The following GMPR variants were observed in gnomAD, a reference collection of about 807,000 sequenced individuals.
GMPR encodes the protein GMP reductase 1.
Under a neutral mutation model 38.4 loss-of-function variants are expected in GMPR, and 31 were observed. The observed-to-expected ratio is 0.81, with a 90% CI of 0.61 to 1.09. The LOEUF (loss-of-function observed/expected upper bound fraction) is 1.09, where lower values mean the gene tolerates loss of function less well. GMPR is among the 50% of genes least tolerant of loss of function. The pLI, the probability that GMPR is intolerant of heterozygous loss-of-function variation, is 0.00. For missense variants in GMPR, 468 were observed against 453.7 expected (o/e 1.03, Z -0.29); for synonymous variants, 162 against 173.3 (o/e 0.93, Z 0.51).
chr6:16,265,940 C>G (rs546250133), intron 4 of GMPR, among the ~76,000 whole-genome samples: 2 of 152,098 alleles, frequency 1.3e-5, no homozygotes, highest in African/African-American at 2.4e-5. Context: ...AGTGAGACCA[C>G]GAAGCCACCC....
intron 4 of GMPR, 117 bp downstream of exon 4, chr6:16,254,852 A>G (rs960613827): frequency 2.9e-6 from 2 of 689,050 alleles, no homozygotes; most frequent in Admixed American, 4.5e-5. Flanking sequence ...CTCTTTAGTC[A>G]AAGATTAATT....
At chr6:16,239,844 C>T (rs570349904) in intron 1 of GMPR, among the ~76,000 whole-genome samples, 1 of 152,364 alleles carries the variant, frequency 6.6e-6, no homozygotes, top group South Asian at 2.1e-4. Context: ...ACCAAGTGGC[C>T]TTCTGTAAGC....
intron 4 of GMPR, among the ~76,000 whole-genome samples, chr6:16,260,439 A>C (rs1759061690): frequency 6.6e-6 from 1 of 151,988 alleles, no homozygotes; most frequent in Non-Finnish European, 1.5e-5. Flanking sequence ...TTATCCAGTG[A>C]AAGTGTCTAC....
At chr6:16,277,646 A>G (rs578236912) in intron 5 of GMPR, among the ~76,000 whole-genome samples, 3 of 152,344 alleles carry the variant, frequency 2.0e-5, no homozygotes, top group Admixed American at 2.0e-4. Flanking sequence ...GCGAATGTCC[A>G]CGGAGCCGAC....
chr6:16,289,858 T>A (rs1448936590), intron 7 of GMPR: 2 of 88,994 alleles, frequency 2.2e-5, no homozygotes, highest in Non-Finnish European at 4.2e-5. Context: ...ATTTTTTTTT[T>A]TTTTTTTTTT....
chr6:16,284,183 A>G (rs772174345), intron 6 of GMPR, among the ~76,000 whole-genome samples: 1 of 152,226 alleles, frequency 6.6e-6, no homozygotes, highest in Non-Finnish European at 1.5e-5. Context: ...GTTTGTAAAG[A>G]AAAGGTCCAG....
chr6:16,288,140 C>T (rs1759726807), intron 7 of GMPR, among the ~76,000 whole-genome samples: 1 of 152,268 alleles, frequency 6.6e-6, no homozygotes, highest in South Asian at 2.1e-4. Context: ...TCTGCCTGGG[C>T]TCCCACTTTG....
intron 4 of GMPR, among the ~76,000 whole-genome samples, chr6:16,259,909 C>T (rs1229706431): frequency 1.3e-5 from 2 of 151,994 alleles, no homozygotes; most frequent in East Asian, 3.9e-4. Flanking sequence ...CAGTGTAAAC[C>T]GGCAGTGTAA....
intron 6 of GMPR, among the ~76,000 whole-genome samples, chr6:16,281,033 G>T (rs1213037842): frequency 6.6e-6 from 1 of 152,188 alleles, no homozygotes; most frequent in Non-Finnish European, 1.5e-5. Context: ...TGCCCCAGAG[G>T]TGAATCTGAT....
chr6:16,260,718 G>A (rs1457287380), intron 4 of GMPR, among the ~76,000 whole-genome samples: 2 of 152,002 alleles, frequency 1.3e-5, no homozygotes, highest in African/African-American at 2.4e-5. Context: ...GGTGTGTGGC[G>A]ATTAGGCCTG....
At chr6:16,267,445 C>G (rs142144837) in intron 4 of GMPR, among the ~76,000 whole-genome samples, 4 of 152,154 alleles carry the variant, frequency 2.6e-5, no homozygotes, top group Admixed American at 6.5e-5. Context: ...CACGAACCGT[C>G]CGGGAGGAAT....
intron 7 of GMPR, 144 bp downstream of exon 7, chr6:16,285,979 C>A: frequency 1.4e-6 from 1 of 708,970 alleles, no homozygotes; most frequent in Non-Finnish European, 2.5e-6. Context: ...GGGTTTCAGC[C>A]CCAATTGGCC....
At chr6:16,273,872 G>A (rs938565882) in intron 4 of GMPR, among the ~76,000 whole-genome samples, 4 of 139,952 alleles carry the variant, frequency 2.9e-5, no homozygotes. Flanking sequence ...CTGGAGTACA[G>A]TGGTGCCATC....
chr6:16,285,712 C>A, intron 6 of GMPR, 81 bp from the exon 7 acceptor site: 2 of 1,158,226 alleles, frequency 1.7e-6, no homozygotes, highest in South Asian at 2.5e-5. Flanking sequence ...AACCCCCAGT[C>A]ACTAGGTCAT....
At chr6:16,294,092 A>G (rs956219768) in intron 8 of GMPR, among the ~76,000 whole-genome samples, 1 of 152,200 alleles carries the variant, frequency 6.6e-6, no homozygotes, top group African/African-American at 2.4e-5. Flanking sequence ...AGAGAGGGAC[A>G]TGGGCTCAGT....
chr6:16,264,111 G>A (rs144377734), intron 4 of GMPR, among the ~76,000 whole-genome samples: 2,050 of 152,068 alleles, frequency 0.013, 44 homozygotes, highest in African/African-American at 0.047. Context: ...AATAATCAGA[G>A]GTGTCCCTGC....
Position 16,295,478 on chromosome 6 carries a change from T to G in GMPR, c.*292T>G, listed in dbSNP as rs1759921331. 1 of 290,336 alleles carries G rather than the reference T, an allele frequency of 3.4e-6. No homozygotes were observed. The highest frequency in any genetic ancestry group is 6.3e-6 in the Non-Finnish European group (1 of 158,684). The allele number at this position is 290,336 out of a possible 1,614,324, so 18.0% of individuals were successfully genotyped here. A position where few individuals can be genotyped will look rare whatever the true frequency, so the allele number is the denominator to read the frequency against. On this transcript the variant is annotated 3_prime_UTR_variant, in exon 9 of 9. Coordinates refer to ENST00000259727, the MANE Select transcript of GMPR (RefSeq NM_006877.4). ...TCTCTTTTTCTCTTTCTCTCTCCCT[T>G]TCTTTGTTTTTCTTTCTTTTTTAAA...
At chr6:16,265,841 T>C (rs1325352966) in intron 4 of GMPR, among the ~76,000 whole-genome samples, 1 of 152,232 alleles carries the variant, frequency 6.6e-6, no homozygotes, top group Non-Finnish European at 1.5e-5. Flanking sequence ...TTTTCTTCGT[T>C]CGCTTGCTGC....
intron 8 of GMPR, 117 bp downstream of exon 8, chr6:16,290,738 G>T: frequency 1.2e-6 from 1 of 869,392 alleles, no homozygotes; most frequent in South Asian, 1.7e-5. Flanking sequence ...GTGGGAAGGG[G>T]TTCTTTTTAA....
Sources: gnomAD v4.1 joint callset for allele counts (sites outside exome capture counted in the v4.1 genomes callset) on GRCh38, gnomAD v4.1.1 for gene constraint, MANE v1.5 for transcripts, NCBI Gene and HGNC (gene_info 2026-07-23, HGNC 2026-07-21) for gene names.